The following GLS variants were observed in gnomAD, a reference collection of about 807,000 sequenced individuals.
The protein encoded by GLS is glutaminase kidney isoform, mitochondrial.
Under a neutral mutation model 86.7 loss-of-function variants are expected in GLS, and 36 were observed. The ratio of observed to expected loss-of-function variants is 0.42; its 90% CI spans 0.32 to 0.55. The LOEUF (loss-of-function observed/expected upper bound fraction) is 0.55, where lower values mean the gene tolerates loss of function less well. GLS is among the 20% of genes least tolerant of loss of function. GLS has a pLI of 0.17. For missense variants in GLS, 528 were observed against 833.4 expected (o/e 0.63, Z 4.51); for synonymous variants, 317 against 305.9 (o/e 1.04, Z -0.38).
intron 6 of GLS, among the ~76,000 whole-genome samples, chr2:190,908,507 C>A (rs1397254193): frequency 1.3e-5 from 2 of 152,110 alleles, no homozygotes; most frequent in Admixed American, 6.6e-5. Flanking sequence ...TCACCCATGT[C>A]CATTTTGTCA....
chr2:190,905,338 TCTCATACCAC>T lies in GLS; in HGVS notation c.979+172_979+181del, dbSNP rs1343736467. The stretch of plus-strand genomic sequence containing the variant: ...CTTTTAAAAATGATTATTTTAGGCA[TCTCATACCAC>T]TGGGAAGTGGGCTAGGGAGAACATG... On this transcript the variant is annotated intron_variant, in intron 6 of 17. Transcript: ENST00000320717. The surrounding 1 kb of genome is among the most constrained non-coding windows in gnomAD (Gnocchi z 4.6). 1 of 544,648 alleles carries T rather than the reference TCTCATACCAC, an allele frequency of 1.8e-6. No individual in the cohort carries two copies. The highest frequency in any genetic ancestry group is 1.9e-5 in the African/African-American group (1 of 52,294). The allele number at this position is 544,648 out of a possible 1,614,324, so 33.7% of individuals were successfully genotyped here. A position where few individuals can be genotyped will look rare whatever the true frequency, so the allele number is the denominator to read the frequency against.
intron 14 of GLS, among the ~76,000 whole-genome samples, chr2:190,944,346 T>A (rs1690528438): frequency 6.6e-6 from 1 of 152,194 alleles, no homozygotes; most frequent in Non-Finnish European, 1.5e-5. Context: ...AACCTTGTCC[T>A]CTATCCTAAC....
Position 190,954,719 on chromosome 2 carries a change from A to G in GLS, c.1790-36A>G, listed in dbSNP as rs771937711. The G allele has an allele frequency of 6.2e-7, 1 of 1,612,322 alleles. No homozygotes were observed. Among genetic ancestry groups the G allele is most frequent in the African/African-American group, 1.3e-5 (1 of 74,900 alleles). On this transcript the variant is annotated intron_variant, in intron 16 of 17. Transcript: ENST00000320717. This position sits in a 1 kb window ranked among gnomAD's most constrained non-coding sequence, Gnocchi z 4.0. Reference sequence around the variant, plus strand: ...CCAGATTTAATTTCTACTTAGTACTAAAATCTGCTCTTTTTTTGGGGGTGG... The same window carrying G: ...CCAGATTTAATTTCTACTTAGTACTGAAATCTGCTCTTTTTTTGGGGGTGG...
At chr2:190,912,730 A>G (rs917288646) in intron 7 of GLS, among the ~76,000 whole-genome samples, 3 of 152,120 alleles carry the variant, frequency 2.0e-5, no homozygotes, top group Admixed American at 2.0e-4. Flanking sequence ...GCCATATTTA[A>G]CGTAGGTGTT....
chr2:190,965,227 CATT>C lies in GLS; in HGVS notation c.*2242_*2244del, dbSNP rs376393457. The C allele has an allele frequency of 3.9e-5, 6 of 152,696 alleles. No homozygotes were observed. In the East Asian group the frequency reaches 9.7e-4, roughly 25 times the overall value. The allele number at this position is 152,696 out of a possible 1,614,324, so 9.5% of individuals were successfully genotyped here. A position where few individuals can be genotyped will look rare whatever the true frequency, so the allele number is the denominator to read the frequency against. On this transcript the variant is annotated 3_prime_UTR_variant, in exon 18 of 18. Transcript: ENST00000320717. This position sits in a 1 kb window ranked among gnomAD's most constrained non-coding sequence, Gnocchi z 5.0. ...TCATGTTAATTTAAAGCTTTATACA[CATT>C]GTTGTTTTTGCTGGTCTCATCTTTG... is the stretch of plus-strand genomic sequence containing the variant.
intron 6 of GLS, 63 bp from the exon 7 acceptor site, chr2:190,910,200 T>C: frequency 1.0e-6 from 1 of 976,584 alleles, no homozygotes. Context: ...TCATTTTTAG[T>C]ATAGTAATAT....
chr2:190,928,292 T>C (rs1186535941), intron 12 of GLS, among the ~76,000 whole-genome samples: 5 of 151,846 alleles, frequency 3.3e-5, no homozygotes, highest in Non-Finnish European at 2.9e-5. Context: ...TCAAAATATT[T>C]AGTTAGTGTT....
At position 190,955,056 on chromosome 2, in the gene GLS, A is replaced by G. The variant is rs1334524343; in HGVS notation, c.1853+238A>G. On this transcript the variant is annotated intron_variant, in intron 17 of 17. Coordinates refer to ENST00000320717, the MANE Select transcript of GLS (RefSeq NM_014905.5). This position sits in a 1 kb window ranked among gnomAD's most constrained non-coding sequence, Gnocchi z 5.6. The stretch of plus-strand genomic sequence containing the variant: ...GGTTGATTTGACCATTAGTCAATAC[A>G]CTGTATGAACAAAACAATTTTTTTT... Among the ~76,000 whole-genome samples the G allele has an allele frequency of 1.3e-5, 2 of 152,168 alleles. No individual in the cohort carries two copies. Among genetic ancestry groups the G allele is most frequent in the Non-Finnish European group, 2.9e-5 (2 of 68,028 alleles).
At chr2:190,884,871 C>T (rs571804160) in intron 1 of GLS, among the ~76,000 whole-genome samples, 5 of 152,314 alleles carry the variant, frequency 3.3e-5, no homozygotes, top group African/African-American at 1.2e-4. Flanking sequence ...AAAATAGGAA[C>T]TCTAGCATTG....
chr2:190,910,649 T>G (rs1689326729), intron 7 of GLS, among the ~76,000 whole-genome samples: 1 of 151,680 alleles, frequency 6.6e-6, no homozygotes, highest in African/African-American at 2.4e-5. Flanking sequence ...TCCTTTCGTT[T>G]CCTTTTGGTT....
intron 12 of GLS, among the ~76,000 whole-genome samples, chr2:190,929,722 G>A (rs888020575): frequency 1.3e-5 from 2 of 151,894 alleles, no homozygotes; most frequent in Non-Finnish European, 2.9e-5. Flanking sequence ...TGCCCACCTC[G>A]GCCTCCCAGA....
chr2:190,948,087 G>GT (rs1480632578), intron 14 of GLS, among the ~76,000 whole-genome samples: 1 of 152,184 alleles, frequency 6.6e-6, no homozygotes, highest in Non-Finnish European at 1.5e-5. Flanking sequence ...GGAATTTGTG[G>GT]TTTTGCTTTT....
chr2:190,903,649 T>C (rs1689029477), intron 5 of GLS, among the ~76,000 whole-genome samples: 1 of 152,188 alleles, frequency 6.6e-6, no homozygotes, highest in African/African-American at 2.4e-5. Context: ...TGTCTCTTAG[T>C]TTTTTTATCT....
At chr2:190,961,962 A>G (rs1184560702) in intron 17 of GLS, among the ~76,000 whole-genome samples, 1 of 152,160 alleles carries the variant, frequency 6.6e-6, no homozygotes, top group Non-Finnish European at 1.5e-5. Context: ...GAATTTTGTA[A>G]TGTAAGTAGA....
intron 1 of GLS, among the ~76,000 whole-genome samples, chr2:190,886,554 A>G (rs553221383): frequency 1.1e-4 from 17 of 152,240 alleles, no homozygotes; most frequent in Non-Finnish European, 2.1e-4. Flanking sequence ...TAGTCCAAAG[A>G]TAAATGTCAC....
At chr2:190,936,213 C>T (rs150082292) in intron 14 of GLS, among the ~76,000 whole-genome samples, 1 of 150,788 alleles carries the variant, frequency 6.6e-6, no homozygotes, top group Admixed American at 6.6e-5. Flanking sequence ...CTTAAAATAC[C>T]TGGTGATCTT....
Position 190,953,895 on chromosome 2 carries a change from G to A in GLS, c.1712+269G>A, listed in dbSNP as rs909685829. ...GGCTAATTAGTACCAGTGGCTTACTGGAATTGGACAGTGCCTTCTCACTCC... is the reference window on the plus strand; with the variant it reads ...GGCTAATTAGTACCAGTGGCTTACTAGAATTGGACAGTGCCTTCTCACTCC... On this transcript the variant is annotated intron_variant, in intron 15 of 17. Coordinates refer to ENST00000320717, the MANE Select transcript of GLS (RefSeq NM_014905.5). This position sits in a 1 kb window ranked among gnomAD's most constrained non-coding sequence, Gnocchi z 4.0. Among the ~76,000 whole-genome samples the A allele has an allele frequency of 1.1e-4, 17 of 151,712 alleles. No individual in the cohort carries two copies. Among genetic ancestry groups the A allele is most frequent in the African/African-American group, 3.9e-4 (16 of 41,256 alleles).
intron 14 of GLS, among the ~76,000 whole-genome samples, chr2:190,950,590 G>A (rs1335127950): frequency 2.0e-5 from 3 of 152,230 alleles, no homozygotes; most frequent in African/African-American, 7.2e-5. Context: ...AGAAGCAGAA[G>A]CACTTCTCAG....
At position 190,921,397 on chromosome 2, in the gene GLS, A is replaced by G. The variant is rs1689731824; in HGVS notation, c.1130+194A>G. ...CAGAAGAGACCCCAAGTTTATCTCAAATTACTGGTGCTTATTCAGTTTTAT... is the reference window on the plus strand; with the variant it reads ...CAGAAGAGACCCCAAGTTTATCTCAGATTACTGGTGCTTATTCAGTTTTAT... On this transcript the variant is annotated intron_variant, in intron 9 of 17. Coordinates refer to ENST00000320717, the MANE Select transcript of GLS (RefSeq NM_014905.5). This position sits in a 1 kb window ranked among gnomAD's most constrained non-coding sequence, Gnocchi z 4.2. Among the ~76,000 whole-genome samples the G allele has an allele frequency of 6.6e-6, 1 of 151,894 alleles. No homozygotes were observed. Among genetic ancestry groups the G allele is most frequent in the Admixed American group, 6.6e-5 (1 of 15,250 alleles).
Sources: allele counts gnomAD v4.1 joint callset (sites outside exome capture counted in the v4.1 genomes callset), GRCh38; gene constraint gnomAD v4.1.1; non-coding constraint Gnocchi (gnomAD v3.1); transcripts MANE v1.5; gene names NCBI Gene and HGNC (gene_info 2026-07-23, HGNC 2026-07-21).